The following MATN2 variants were observed in gnomAD, a reference collection of about 807,000 sequenced individuals.
The protein encoded by MATN2 is matrilin-2.
MATN2 carries 69 observed loss-of-function variants against 103.2 expected under a neutral mutation model. That is an observed-to-expected ratio of 0.67 (90% CI 0.55 to 0.82). MATN2 has a LOEUF of 0.82. MATN2 is among the 40% of genes least tolerant of loss of function. The probability of loss-of-function intolerance (pLI) is 0.00; values close to 1 mark genes in which losing one functional copy is unlikely to be tolerated. For missense variants in MATN2, 1,023 were observed against 1,211.5 expected, an observed-to-expected ratio of 0.84 and a Z score of 2.31; for synonymous variants, 429 against 450.2, an observed-to-expected ratio of 0.95 and a Z score of 0.60.
At chr8:97,968,429 C>T (rs1586103641) in intron 5 of MATN2, among the ~76,000 whole-genome samples, 1 of 152,238 alleles carries the variant, frequency 6.6e-6, no homozygotes, top group African/African-American at 2.4e-5. Context: ...GCAAATTTTC[C>T]AAACTCGTAC....
intron 1 of MATN2, among the ~76,000 whole-genome samples, chr8:97,869,688 C>T (rs62521906): frequency 0.32 from 48,426 of 152,162 alleles, 8,899 homozygotes; most frequent in Non-Finnish European, 0.42. Flanking sequence ...GATGGCTCCC[C>T]CTTCCCTCTT....
intron 6 of MATN2, among the ~76,000 whole-genome samples, chr8:97,994,208 G>C (rs1286683406): frequency 7.2e-6 from 1 of 139,764 alleles, no homozygotes; most frequent in Non-Finnish European, 1.6e-5. Flanking sequence ...GAGGGAAGAG[G>C]GGGAAGGGAA....
chr8:98,018,673 A>G (rs1813463548), intron 12 of MATN2, among the ~76,000 whole-genome samples: 1 of 152,176 alleles, frequency 6.6e-6, no homozygotes, highest in Non-Finnish European at 1.5e-5. Context: ...GTGGCAGACA[A>G]GAGAAGAGAA....
intron 1 of MATN2, among the ~76,000 whole-genome samples, chr8:97,875,280 A>G (rs1486866353): frequency 6.6e-6 from 1 of 152,146 alleles, no homozygotes; most frequent in African/African-American, 2.4e-5. Context: ...GAATGTGCAC[A>G]ATGGCCCACT....
intron 10 of MATN2, among the ~76,000 whole-genome samples, chr8:98,012,615 A>T (rs964823438): frequency 6.6e-6 from 1 of 152,132 alleles, no homozygotes; most frequent in African/African-American, 2.4e-5. Flanking sequence ...CCGGCGGGAC[A>T]CATCACCCAC....
intron 4 of MATN2, chr8:97,952,023 G>GA: frequency 6.6e-6 from 1 of 152,300 alleles, no homozygotes. Context: ...ACCATTGGAA[G>GA]ACTTCAAATC....
intron 18 of MATN2, 100 bp downstream of exon 18, chr8:98,033,759 G>A (rs1488635672): frequency 9.7e-6 from 8 of 820,968 alleles, no homozygotes; most frequent in African/African-American, 5.2e-5. Context: ...TAAATCCCAC[G>A]AAGTCACAAA....
In MATN2 at chr8:98,035,816, A is replaced by T. The variant is rs976782323; in HGVS notation, c.*104A>T. On this transcript the variant is annotated 3_prime_UTR_variant, in exon 19 of 19. Coordinates refer to ENST00000254898, the MANE Select transcript of MATN2 (RefSeq NM_002380.5). The stretch of plus-strand genomic sequence containing the variant: ...CTATTGTTAAATCAATAATGTTGTG[A>T]AGTAAAACAATCAGTACTGAGAAAC... The T allele has an allele frequency of 4.0e-5, 26 of 655,396 alleles. No individual in the cohort carries two copies. The South Asian group carries it at 6.2e-4, about 16-fold the overall frequency. The allele number at this position is 655,396 out of a possible 1,614,324, so 40.6% of individuals were successfully genotyped here. A position where few individuals can be genotyped will look rare whatever the true frequency, so the allele number is the denominator to read the frequency against.
At chr8:97,947,797 A>C (rs1488192793) in intron 4 of MATN2, among the ~76,000 whole-genome samples, 6 of 152,196 alleles carry the variant, frequency 3.9e-5, no homozygotes, top group Non-Finnish European at 8.8e-5. Context: ...AAAAACTAGA[A>C]TAGTCAAACC....
chr8:97,924,632 G>A (rs1220996655), intron 2 of MATN2, among the ~76,000 whole-genome samples: 2 of 151,978 alleles, frequency 1.3e-5, no homozygotes, highest in African/African-American at 2.4e-5. Flanking sequence ...AGCGCTTGTC[G>A]AGGAGTAAGA....
chr8:98,025,800 C>A, intron 13 of MATN2: 1 of 421,606 alleles, frequency 2.4e-6, no homozygotes, highest in South Asian at 1.7e-5. Flanking sequence ...TTTTCTTTTG[C>A]AGTCCTAAAT....
intron 4 of MATN2, among the ~76,000 whole-genome samples, chr8:97,947,969 C>T (rs1810808719): frequency 6.6e-6 from 1 of 152,148 alleles, no homozygotes; most frequent in Admixed American, 6.5e-5. Context: ...GTTTGATGTT[C>T]TGTTTAAACA....
intron 4 of MATN2, among the ~76,000 whole-genome samples, chr8:97,953,572 A>T (rs1318944972): frequency 6.6e-6 from 1 of 152,172 alleles, no homozygotes; most frequent in East Asian, 1.9e-4. Flanking sequence ...AGATCACCTG[A>T]GGTCAGGAGT....
Position 97,890,262 on chromosome 8 carries a change from C to T in MATN2, c.142+2020C>T, listed in dbSNP as rs192285039. On this transcript the variant is annotated intron_variant, in intron 2 of 18. Transcript: ENST00000254898. ...TGGGCGGATCACAAGGTCAGGAGTT[C>T]GAGACCAGCCTGACCAACATGGTGA... Among the ~76,000 whole-genome samples, 446 of 152,140 alleles carry T rather than the reference C, an allele frequency of 2.9e-3. 1 individual carries two copies. Among genetic ancestry groups the T allele is most frequent in the African/African-American group, 9.8e-3 (406 of 41,504 alleles).
chr8:97,915,131 C>T (rs35139704), intron 2 of MATN2, among the ~76,000 whole-genome samples: 50,795 of 151,950 alleles, frequency 0.33, 9,411 homozygotes, highest in East Asian at 0.7. Flanking sequence ...GGACTACAGG[C>T]GCACGCCATC....
chr8:98,034,036 G>C (rs1173740056), intron 18 of MATN2: 1 of 403,540 alleles, frequency 2.5e-6, no homozygotes. Flanking sequence ...GACAAAGAAT[G>C]TTGTAGAATG....
At chr8:97,922,256 C>T (rs771509545) in intron 2 of MATN2, among the ~76,000 whole-genome samples, 3 of 152,150 alleles carry the variant, frequency 2.0e-5, no homozygotes, top group South Asian at 2.1e-4. Context: ...ACCGCTTTCA[C>T]GGTTTTATGA....
At chr8:97,946,824 A>G (rs1810767030) in intron 4 of MATN2, among the ~76,000 whole-genome samples, 1 of 152,084 alleles carries the variant, frequency 6.6e-6, no homozygotes, top group Non-Finnish European at 1.5e-5. Flanking sequence ...TCCCAACATT[A>G]TTTTTCCCAA....
chr8:98,034,426 A>G (rs1814160764), intron 18 of MATN2: 1 of 288,108 alleles, frequency 3.5e-6, no homozygotes, highest in Non-Finnish European at 7.2e-6. Flanking sequence ...ATTCTGAACT[A>G]TCTCTGTGCC....
Sources: gnomAD v4.1 joint callset for allele counts (sites outside exome capture counted in the v4.1 genomes callset) on GRCh38, gnomAD v4.1.1 for gene constraint, MANE v1.5 for transcripts, NCBI Gene and HGNC (gene_info 2026-07-23, HGNC 2026-07-21) for gene names.